The following ADAMTSL1 variants were observed in gnomAD, a reference collection of about 807,000 sequenced individuals.
ADAMTSL1 encodes ADAMTS like 1.
ADAMTSL1 carries 126 observed loss-of-function variants against 201.8 expected under a neutral mutation model. The observed-to-expected ratio is 0.62, with a 90% confidence interval of 0.54 to 0.72. The LOEUF (loss-of-function observed/expected upper bound fraction) is 0.72, where lower values mean the gene tolerates loss of function less well. ADAMTSL1 is among the 30% of genes least tolerant of loss of function. The probability of loss-of-function intolerance (pLI) is 0.00; values close to 1 mark genes in which losing one functional copy is unlikely to be tolerated. For missense variants in ADAMTSL1, 2,679 were observed against 2,277.8 expected, an observed-to-expected ratio of 1.18 and a Z score of -3.59; for synonymous variants, 1,121 against 903.4, an observed-to-expected ratio of 1.24 and a Z score of -4.32.
At chr9:18,842,821 G>C (rs559010591) in intron 23 of ADAMTSL1, among the ~76,000 whole-genome samples, 11 of 152,126 alleles carry the variant, frequency 7.2e-5, no homozygotes, top group African/African-American at 2.4e-4. Context: ...ATCTTTGTTG[G>C]TTTGAAGTCT....
intron 2 of ADAMTSL1, among the ~76,000 whole-genome samples, chr9:18,216,159 A>G (rs534537135): frequency 1.3e-5 from 2 of 152,286 alleles, no homozygotes; most frequent in Admixed American, 1.3e-4. Context: ...CAATAATAAC[A>G]ATAATAAAAT....
intron 1 of ADAMTSL1, among the ~76,000 whole-genome samples, chr9:18,028,742 G>T (rs372695598): frequency 6.6e-6 from 1 of 152,058 alleles, no homozygotes; most frequent in East Asian, 1.9e-4. Context: ...TTGGCAATGC[G>T]GGCTCTTTTT....
At chr9:18,103,715 T>G (rs778950720) in intron 1 of ADAMTSL1, among the ~76,000 whole-genome samples, 36 of 152,194 alleles carry the variant, frequency 2.4e-4, no homozygotes, top group Non-Finnish European at 1.2e-4. Context: ...ATGAGGAATT[T>G]TTTTGAAGTG....
chr9:18,119,240 A>G (rs4961624), intron 1 of ADAMTSL1, among the ~76,000 whole-genome samples: 62,857 of 152,026 alleles, frequency 0.41, 14,016 homozygotes, highest in East Asian at 0.57. Context: ...TGTAGGCTAG[A>G]CATTGTGATT....
intron 14 of ADAMTSL1, among the ~76,000 whole-genome samples, chr9:18,719,711 G>A (rs979296422): frequency 6.6e-6 from 1 of 152,112 alleles, no homozygotes; most frequent in Non-Finnish European, 1.5e-5. Context: ...GACTTACAAA[G>A]AAGAAAGGTG....
intron 13 of ADAMTSL1, among the ~76,000 whole-genome samples, chr9:18,701,463 G>T (rs553978560): frequency 6.6e-6 from 1 of 151,992 alleles, no homozygotes; most frequent in East Asian, 1.9e-4. Context: ...CAGGCGATCC[G>T]CCCACCTCAG....
chr9:18,660,562 C>A (rs1015406071), intron 8 of ADAMTSL1, among the ~76,000 whole-genome samples: 19 of 152,096 alleles, frequency 1.2e-4, no homozygotes, highest in Non-Finnish European at 2.2e-4. Context: ...CTGTATTTTA[C>A]TACATGATAA....
intron 5 of ADAMTSL1, among the ~76,000 whole-genome samples, chr9:18,634,613 G>C (rs765896403): frequency 5.3e-5 from 8 of 151,888 alleles, no homozygotes; most frequent in Non-Finnish European, 1.2e-4. Context: ...GCTGAGGTGA[G>C]CGGATCATGA....
At chr9:18,756,189 G>C (rs1328055969) in intron 16 of ADAMTSL1, among the ~76,000 whole-genome samples, 1 of 131,978 alleles carries the variant, frequency 7.6e-6, no homozygotes, top group Non-Finnish European at 1.6e-5. Context: ...TGAAGCAGGA[G>C]AATCACTCAT....
chr9:18,644,657 G>T (rs939838399), intron 7 of ADAMTSL1, among the ~76,000 whole-genome samples: 2 of 151,400 alleles, frequency 1.3e-5, no homozygotes, highest in African/African-American at 2.4e-5. Context: ...TTGTCCTTGC[G>T]ATAGTTTACT....
intron 2 of ADAMTSL1, among the ~76,000 whole-genome samples, chr9:18,441,226 T>C (rs887932086): frequency 5.3e-5 from 8 of 152,164 alleles, no homozygotes; most frequent in African/African-American, 1.9e-4. Context: ...TTAGTAATGA[T>C]GGTTGTACAA....
At chr9:18,333,019 C>T (rs1352396732) in intron 2 of ADAMTSL1, among the ~76,000 whole-genome samples, 1 of 152,136 alleles carries the variant, frequency 6.6e-6, no homozygotes, top group East Asian at 1.9e-4. Context: ...ATTATTTTCT[C>T]CCATTTTCTT....
At chr9:18,641,813 A>G (rs368458457) in intron 7 of ADAMTSL1, among the ~76,000 whole-genome samples, 16 of 152,108 alleles carry the variant, frequency 1.1e-4, no homozygotes, top group Admixed American at 9.2e-4. Context: ...ATCAGTTTTC[A>G]TGACTTAGCT....
intron 1 of ADAMTSL1, among the ~76,000 whole-genome samples, chr9:18,492,911 A>T (rs932119547): frequency 6.6e-6 from 1 of 152,184 alleles, no homozygotes; most frequent in Non-Finnish European, 1.5e-5. Flanking sequence ...GTCCCTGTTT[A>T]GAAGTTTTTG....
chr9:18,468,353 CTT>C (rs1189688900), intron 2 of ADAMTSL1, among the ~76,000 whole-genome samples: 1 of 152,120 alleles, frequency 6.6e-6, no homozygotes, highest in Non-Finnish European at 1.5e-5. Context: ...GGACAAGTAT[CTT>C]TGAATTTGAA....
intron 2 of ADAMTSL1, among the ~76,000 whole-genome samples, chr9:18,342,053 A>G (rs1835486217): frequency 1.3e-5 from 2 of 152,248 alleles, no homozygotes; most frequent in African/African-American, 4.8e-5. Flanking sequence ...TGACCAAATA[A>G]TGAATTAGGT....
At chr9:18,095,599 T>G (rs1824216392) in intron 1 of ADAMTSL1, among the ~76,000 whole-genome samples, 1 of 151,974 alleles carries the variant, frequency 6.6e-6, no homozygotes, top group Non-Finnish European at 1.5e-5. Context: ...ATTTTTTGTA[T>G]TTTTAGTAGA....
chr9:18,514,855 G>T (rs1378551056), intron 2 of ADAMTSL1, among the ~76,000 whole-genome samples: 1 of 152,094 alleles, frequency 6.6e-6, no homozygotes, highest in Non-Finnish European at 1.5e-5. Context: ...GAGCAACTTT[G>T]CCTTGTTCCT....
At chr9:18,249,660 C>T (rs1315085316) in intron 2 of ADAMTSL1, among the ~76,000 whole-genome samples, 1 of 152,174 alleles carries the variant, frequency 6.6e-6, no homozygotes, top group Non-Finnish European at 1.5e-5. Context: ...TGTGGCATTG[C>T]TAAGGCCCTG....
Sources: gnomAD v4.1 joint callset for allele counts (sites outside exome capture counted in the v4.1 genomes callset) on GRCh38, gnomAD v4.1.1 for gene constraint, MANE v1.5 for transcripts, NCBI Gene and HGNC (gene_info 2026-07-23, HGNC 2026-07-21) for gene names.